Variants in CPEB4 observed in about 807,000 individuals in gnomAD.
CPEB4 encodes the protein cytoplasmic polyadenylation element binding protein 4.
Under a neutral mutation model 72.5 loss-of-function variants are expected in CPEB4, and 12 were observed. The ratio of observed to expected loss-of-function variants is 0.17; its 90% confidence interval spans 0.11 to 0.27. CPEB4 has a LOEUF of 0.27. Among genes scored for constraint, CPEB4 ranks in the 10% least tolerant of loss-of-function variants. The probability of loss-of-function intolerance (pLI) is 1.00; values close to 1 mark genes in which losing one functional copy is unlikely to be tolerated. For synonymous variants in CPEB4, 302 were observed against 326.3 expected, an observed-to-expected ratio of 0.93 and a Z score of 0.80; for missense variants, 614 against 908.5, an observed-to-expected ratio of 0.68 and a Z score of 4.17.
intron 2 of CPEB4, among the ~76,000 whole-genome samples, chr5:173,914,370 T>A (rs1756785623): frequency 6.6e-6 from 1 of 152,236 alleles, no homozygotes; most frequent in Non-Finnish European, 1.5e-5. Flanking sequence ...ATTGTCATTT[T>A]GAAATAGGTA....
intron 2 of CPEB4, among the ~76,000 whole-genome samples, chr5:173,911,263 G>A (rs551181215): frequency 9.9e-5 from 15 of 151,398 alleles, no homozygotes; most frequent in African/African-American, 2.9e-4. Flanking sequence ...CATGGGGTGC[G>A]GGCTTGCATG....
rs544457953 is a variant in CPEB4 at position 173,942,139 on chromosome 5, T to C, written c.1259-887T>C. The stretch of plus-strand genomic sequence containing the variant: ...ACCTACCACATAACTAGTATAACAA[T>C]AGGCATGCTACACTGTTGTTTGCTT... On this transcript the variant is annotated intron_variant, in intron 3 of 9. Coordinates refer to ENST00000265085, the MANE Select transcript of CPEB4 (RefSeq NM_030627.4). Among the ~76,000 whole-genome samples, 7 of 152,362 alleles carry C rather than the reference T, an allele frequency of 4.6e-5. No homozygotes were observed. The South Asian group carries it at 1.0e-3, about 23-fold the overall frequency.
chr5:173,919,870 G>A (rs377057410), intron 2 of CPEB4, among the ~76,000 whole-genome samples: 1 of 152,146 alleles, frequency 6.6e-6, no homozygotes, highest in African/African-American at 2.4e-5. Context: ...TTTATCAACT[G>A]TATGTGCCTG....
Position 173,889,667 on chromosome 5 carries a change from G to GA in CPEB4, c.-59dup, listed in dbSNP as rs1561599913. On this transcript the variant is annotated 5_prime_UTR_variant, in exon 1 of 10. Coordinates refer to ENST00000265085, the MANE Select transcript of CPEB4 (RefSeq NM_030627.4). ...CAAACAACTTAAATTTGGGGTAGAGGAAAAAAAAGGCGTGAGACATCAGGT... is the reference window on the plus strand; with the variant it reads ...CAAACAACTTAAATTTGGGGTAGAGGAAAAAAAAAGGCGTGAGACATCAGGT... 97 of 1,376,780 alleles carry GA rather than the reference G, an allele frequency of 7.0e-5. No homozygotes were observed. Among genetic ancestry groups the GA allele is most frequent in the Non-Finnish European group, 8.4e-5 (85 of 1,011,076 alleles). 85.3% of individuals were successfully genotyped at this position (1,376,780 alleles called of 1,614,324 possible).
rs1758517155 is a variant in CPEB4 at position 173,960,543 on chromosome 5, C to A, written c.*4406C>A. The A allele has an allele frequency of 6.6e-6, 1 of 152,236 alleles. No individual in the cohort carries two copies. Among genetic ancestry groups the A allele is most frequent in the African/African-American group, 2.4e-5 (1 of 41,442 alleles). 9.4% of individuals were successfully genotyped at this position (152,236 alleles called of 1,614,324 possible). On this transcript the variant is annotated 3_prime_UTR_variant, in exon 10 of 10. Coordinates refer to ENST00000265085, the MANE Select transcript of CPEB4 (RefSeq NM_030627.4). ...GTACTGTTAGTTCACCTGCTGCCTG[C>A]CCTGCAGAGTTCTTTTTATTTGTAG...
At chr5:173,929,550 T>G (rs1179051632) in intron 2 of CPEB4, among the ~76,000 whole-genome samples, 1 of 151,904 alleles carries the variant, frequency 6.6e-6, no homozygotes, top group Non-Finnish European at 1.5e-5. Context: ...AAATAAAAAA[T>G]TAGCCAGGCA....
chr5:173,912,045 G>A (rs567131412), intron 2 of CPEB4, among the ~76,000 whole-genome samples: 2 of 152,254 alleles, frequency 1.3e-5, no homozygotes, highest in South Asian at 4.1e-4. Context: ...TAAAAAATAG[G>A]CATCCATCTG....
At position 173,888,589 on chromosome 5, in the gene CPEB4, A is replaced by C; in HGVS notation, c.-1145A>C. The C allele has an allele frequency of 2.5e-6, 1 of 401,644 alleles. No individual in the cohort carries two copies. The allele number at this position is 401,644 out of a possible 1,614,324, so 24.9% of individuals were successfully genotyped here. ...CGTGAGGAGAAACAAAAGCCTTCTA[A>C]ATTATAGTTTAAAAAAAAATTCTGG... On this transcript the variant is annotated 5_prime_UTR_variant, in exon 1 of 10. Coordinates refer to ENST00000265085, the MANE Select transcript of CPEB4 (RefSeq NM_030627.4). This position sits in a 1 kb window ranked among gnomAD's most constrained non-coding sequence, Gnocchi z 4.3.
chr5:173,900,445 C>T lies in CPEB4; in HGVS notation c.1125+9587C>T, dbSNP rs1035300496. Among the ~76,000 whole-genome samples the T allele has an allele frequency of 6.6e-6, 1 of 152,118 alleles. No individual in the cohort carries two copies. Among genetic ancestry groups the T allele is most frequent in the African/African-American group, 2.4e-5 (1 of 41,438 alleles). ...TTGTACATTAGGGTGGACCCCTCTC[C>T]CTGCTGACGCCGGACCCTGCTCAGA... On this transcript the variant is annotated intron_variant, in intron 1 of 9. Coordinates refer to ENST00000265085, the MANE Select transcript of CPEB4 (RefSeq NM_030627.4). The surrounding 1 kb of genome is among the most constrained non-coding windows in gnomAD (Gnocchi z 4.4).
In CPEB4 at chr5:173,955,338, CT is replaced by C. The variant is rs879894576; in HGVS notation, c.1963-557del. On this transcript the variant is annotated intron_variant, in intron 9 of 9. Transcript: ENST00000265085. The surrounding 1 kb of genome is among the most constrained non-coding windows in gnomAD (Gnocchi z 4.7). Reference sequence around the variant, plus strand: ...TAGACTGTGAATCCTATGGCTGCATCTTTTTTTTTTTTTTTAACAGAGTTCC... The same window carrying C: ...TAGACTGTGAATCCTATGGCTGCATCTTTTTTTTTTTTTTAACAGAGTTCC... 0.015 allele frequency among the ~76,000 whole-genome samples: 2,120 copies of C among 141,454 alleles called. 17 individuals are homozygous for C. The highest frequency in any genetic ancestry group is 0.032 in the African/African-American group (1,252 of 38,846). 92.8% of individuals were successfully genotyped at this position (141,454 alleles called of 152,430 possible).
intron 3 of CPEB4, among the ~76,000 whole-genome samples, chr5:173,941,018 G>T (rs1340288098): frequency 6.6e-6 from 1 of 152,062 alleles, no homozygotes; most frequent in East Asian, 1.9e-4. Context: ...TACTATTCCG[G>T]AAATTATTTA....
At chr5:173,925,414 G>T (rs974634328) in intron 2 of CPEB4, among the ~76,000 whole-genome samples, 4 of 152,166 alleles carry the variant, frequency 2.6e-5, no homozygotes, top group Admixed American at 2.0e-4. Context: ...TTTGTTGGAA[G>T]TTGGTTGTAG....
At chr5:173,930,275 C>T (rs767028751) in intron 2 of CPEB4, among the ~76,000 whole-genome samples, 32 of 152,150 alleles carry the variant, frequency 2.1e-4, no homozygotes, top group South Asian at 2.1e-4. Context: ...AAGCTGGTCT[C>T]GAACTCCTGA....
intron 2 of CPEB4, among the ~76,000 whole-genome samples, chr5:173,913,273 C>A (rs913025644): frequency 1.3e-4 from 19 of 151,812 alleles, no homozygotes; most frequent in Non-Finnish European, 2.5e-4. Flanking sequence ...TCTCAGCTCA[C>A]TGCAACCTTT....
rs1188095407 is a variant in CPEB4 at position 173,942,016 on chromosome 5, C to A, written c.1259-1010C>A. On this transcript the variant is annotated intron_variant, in intron 3 of 9. Coordinates refer to ENST00000265085, the MANE Select transcript of CPEB4 (RefSeq NM_030627.4). ...GTGTAACGCTGTTGAGCCTGGAATG[C>A]CCTTCCTCTGTTTTTCTGTTAAGGG... Among the ~76,000 whole-genome samples the A allele has an allele frequency of 2.0e-5, 3 of 152,234 alleles. No homozygotes were observed. In the East Asian group the frequency reaches 5.8e-4, roughly 29 times the overall value.
chr5:173,894,168 A>AT (rs1427500487), intron 1 of CPEB4, among the ~76,000 whole-genome samples: 4 of 151,864 alleles, frequency 2.6e-5, no homozygotes, highest in African/African-American at 9.7e-5. Context: ...TAATTTTTGT[A>AT]TTTTTTTGTA....
At position 173,888,399 on chromosome 5, in the gene CPEB4, G is replaced by T; in HGVS notation, c.-1335G>T. On this transcript the variant is annotated 5_prime_UTR_variant, in exon 1 of 10. Transcript: ENST00000265085. The surrounding 1 kb of genome is among the most constrained non-coding windows in gnomAD (Gnocchi z 4.3). ...ACTCAGCCGCGGCTGCGGGACCCGG[G>T]CACCGGGAGGCGGTGGCGGCGGCGG... is the stretch of plus-strand genomic sequence containing the variant. The T allele has an allele frequency of 4.4e-6, 2 of 456,490 alleles. No homozygotes were observed. The highest frequency in any genetic ancestry group is 5.3e-5 in the South Asian group (1 of 18,768). 28.3% of individuals were successfully genotyped at this position (456,490 alleles called of 1,614,324 possible).
At chr5:173,897,346 T>A (rs1044273662) in intron 1 of CPEB4, among the ~76,000 whole-genome samples, 2 of 152,186 alleles carry the variant, frequency 1.3e-5, no homozygotes, top group Non-Finnish European at 2.9e-5. Flanking sequence ...GAATTTATGA[T>A]TTTTCAGTAA....
At chr5:173,919,157 T>A (rs1756987866) in intron 2 of CPEB4, among the ~76,000 whole-genome samples, 1 of 152,194 alleles carries the variant, frequency 6.6e-6, no homozygotes, top group Non-Finnish European at 1.5e-5. Flanking sequence ...GTGTGGTAGA[T>A]AAAAACTTAG....
Sources: allele counts gnomAD v4.1 joint callset (sites outside exome capture counted in the v4.1 genomes callset), GRCh38; gene constraint gnomAD v4.1.1; non-coding constraint Gnocchi (gnomAD v3.1); transcripts MANE v1.5; gene names NCBI Gene and HGNC (gene_info 2026-07-23, HGNC 2026-07-21).